Variants in NDUFB6 observed in about 807,000 individuals in gnomAD.
NDUFB6 encodes the protein NADH:ubiquinone oxidoreductase subunit B6.
In NDUFB6, 23 loss-of-function variants were observed where a neutral mutation model predicts 17.5. That is an observed-to-expected ratio of 1.31 (90% CI 0.94 to 1.86). The LOEUF (loss-of-function observed/expected upper bound fraction) is 1.86, where lower values mean the gene tolerates loss of function less well. Ranked by LOEUF, NDUFB6 falls within the 40% of genes most tolerant of loss-of-function variation. The pLI, the probability that NDUFB6 is intolerant of heterozygous loss-of-function variation, is 0.00. For synonymous variants in NDUFB6, 60 were observed against 53.5 expected, an observed-to-expected ratio of 1.12 and a Z score of -0.53; for missense variants, 167 against 153.8, an observed-to-expected ratio of 1.09 and a Z score of -0.46.
Position 32,553,899 on chromosome 9 carries a change from C to A in NDUFB6, c.364G>T (p.Glu122Ter). ...ETGEVIPPMK[E>*]FPDQHH is the part of the protein sequence containing the mutation. ...CTTTAATGATGTTGATCAGGAAATT[C>A]TTTCATTGGTGGAATTACTTCTCCA... The change falls in exon 4 of 4, where the codon GAA becomes TAA. Residue 122 changes from glutamate to a stop codon, truncating the protein, a stop_gained. Transcript: ENST00000379847. LOFTEE classifies it high-confidence loss of function. 2 of 1,597,286 alleles carry A rather than the reference C, an allele frequency of 1.3e-6. No individual in the cohort carries two copies. Among genetic ancestry groups the A allele is most frequent in the Non-Finnish European group, 8.6e-7 (1 of 1,165,712 alleles).
intron 2 of NDUFB6, chr9:32,566,238 T>C: frequency 1.0e-6 from 1 of 978,760 alleles, no homozygotes; most frequent in South Asian, 1.3e-5. Context: ...TGTGGGTGGT[T>C]TTCTTATGGC....
At chr9:32,561,090 A>C (rs1160610584) in intron 2 of NDUFB6, among the ~76,000 whole-genome samples, 1 of 152,218 alleles carries the variant, frequency 6.6e-6, no homozygotes, top group East Asian at 1.9e-4. Context: ...ACTTTTTTAA[A>C]GCCCATCAAC....
intron 2 of NDUFB6, among the ~76,000 whole-genome samples, chr9:32,569,129 T>C (rs1222826501): frequency 6.6e-6 from 1 of 152,184 alleles, no homozygotes; most frequent in South Asian, 2.1e-4. Flanking sequence ...GTTATCAACA[T>C]GGAAGCAAGA....
At chr9:32,565,110 T>A (rs1409032718) in intron 2 of NDUFB6, among the ~76,000 whole-genome samples, 1 of 152,040 alleles carries the variant, frequency 6.6e-6, no homozygotes, top group Non-Finnish European at 1.5e-5. Context: ...CTGGCCAACA[T>A]GGCAAAACCT....
chr9:32,565,160 G>A (rs1448439420), intron 2 of NDUFB6, among the ~76,000 whole-genome samples: 1 of 152,088 alleles, frequency 6.6e-6, no homozygotes, highest in African/African-American at 2.4e-5. Context: ...AGCCATGGTG[G>A]CGGACACCTG....
intron 2 of NDUFB6, among the ~76,000 whole-genome samples, chr9:32,560,410 T>C (rs778781680): frequency 3.5e-4 from 53 of 152,210 alleles, no homozygotes; most frequent in Non-Finnish European, 8.8e-5. Flanking sequence ...CAGAAAAATG[T>C]AGTTAAATTT....
At chr9:32,566,178 C>T in intron 2 of NDUFB6, 1 of 734,514 alleles carries the variant, frequency 1.4e-6, no homozygotes, top group South Asian at 1.5e-5. Flanking sequence ...GCCACTTCCT[C>T]TTCAACCTTG....
At chr9:32,554,489 C>A (rs2118995469) in intron 3 of NDUFB6, among the ~76,000 whole-genome samples, 1 of 152,320 alleles carries the variant, frequency 6.6e-6, no homozygotes, top group Admixed American at 6.5e-5. Flanking sequence ...GGAACCTCCA[C>A]TGACAAGCTG....
chr9:32,563,421 T>G (rs549018220), intron 2 of NDUFB6, among the ~76,000 whole-genome samples: 2 of 151,210 alleles, frequency 1.3e-5, no homozygotes, highest in African/African-American at 4.9e-5. Flanking sequence ...TCATAGCTCA[T>G]TGCAGGCTCC....
chr9:32,556,194 G>A (rs1821450218), intron 3 of NDUFB6, among the ~76,000 whole-genome samples: 1 of 152,234 alleles, frequency 6.6e-6, no homozygotes, highest in Non-Finnish European at 1.5e-5. Flanking sequence ...TTGGTGACTA[G>A]AAAGATGGAA....
rs2118993182 is a variant in NDUFB6 at position 32,553,748 on chromosome 9, G to A, written c.*128C>T. The A allele has an allele frequency of 1.5e-6, 1 of 678,048 alleles. No individual in the cohort carries two copies. Among genetic ancestry groups the A allele is most frequent in the East Asian group, 2.8e-5 (1 of 36,230 alleles). 42.0% of individuals were successfully genotyped at this position (678,048 alleles called of 1,614,324 possible). On this transcript the variant is annotated 3_prime_UTR_variant, in exon 4 of 4. Transcript: ENST00000379847. Reference sequence around the variant, plus strand: ...ATTACTCAGTCTCAAATTGTACAATGCTTGAAAACAGATATGACAATTTCT... The same window carrying A: ...ATTACTCAGTCTCAAATTGTACAATACTTGAAAACAGATATGACAATTTCT...
chr9:32,559,787 CTT>C (rs1182819171), intron 2 of NDUFB6, among the ~76,000 whole-genome samples: 2 of 152,156 alleles, frequency 1.3e-5, no homozygotes, highest in South Asian at 4.1e-4. Flanking sequence ...TAATATACCT[CTT>C]TGTTTATATA....
chr9:32,561,830 A>G (rs890858687), intron 2 of NDUFB6, among the ~76,000 whole-genome samples: 1 of 151,976 alleles, frequency 6.6e-6, no homozygotes, highest in Non-Finnish European at 1.5e-5. Context: ...TGCTATCTTC[A>G]CCCTAACCAG....
chr9:32,561,913 T>C (rs1434127719), intron 2 of NDUFB6, among the ~76,000 whole-genome samples: 1 of 152,218 alleles, frequency 6.6e-6, no homozygotes, highest in Non-Finnish European at 1.5e-5. Context: ...TTTCTTCCCT[T>C]CAATTCACCA....
chr9:32,567,628 A>C (rs1821837397), intron 2 of NDUFB6: 2 of 365,638 alleles, frequency 5.5e-6, no homozygotes, highest in Middle Eastern at 4.3e-4. Context: ...CCTGGCCTCA[A>C]ACTTTGTCAC....
intron 2 of NDUFB6, chr9:32,566,515 C>T (rs1376725586): frequency 7.8e-6 from 6 of 771,664 alleles, no homozygotes; most frequent in East Asian, 4.9e-5. Flanking sequence ...TGTGCAGAGA[C>T]GGCTGCCACC....
At chr9:32,558,201 T>TC in intron 3 of NDUFB6, among the ~76,000 whole-genome samples, 1 of 146,710 alleles carries the variant, frequency 6.8e-6, no homozygotes, top group East Asian at 2.0e-4. Context: ...AAGCTCCACC[T>TC]CCCAGGTTCA....
intron 3 of NDUFB6, among the ~76,000 whole-genome samples, chr9:32,558,379 G>A (rs1403282571): frequency 2.0e-5 from 3 of 152,140 alleles, no homozygotes; most frequent in Non-Finnish European, 4.4e-5. Context: ...CCAAAGTGCT[G>A]GGATTACAGG....
intron 2 of NDUFB6, among the ~76,000 whole-genome samples, chr9:32,561,453 G>A (rs1038087823): frequency 4.0e-5 from 6 of 151,814 alleles, no homozygotes; most frequent in African/African-American, 1.5e-4. Flanking sequence ...TCAGCCTTCT[G>A]AGTAGCTGGG....
Sources: allele counts gnomAD v4.1 joint callset (sites outside exome capture counted in the v4.1 genomes callset), GRCh38; gene constraint gnomAD v4.1.1; transcripts MANE v1.5; gene names NCBI Gene and HGNC (gene_info 2026-07-23, HGNC 2026-07-21).